The following THSD7A variants were observed in gnomAD, a reference collection of about 807,000 sequenced individuals.
THSD7A encodes the protein thrombospondin type-1 domain-containing protein 7A.
THSD7A carries 96 observed loss-of-function variants against 231.3 expected under a neutral mutation model. The observed-to-expected ratio is 0.41, with a 90% CI of 0.35 to 0.49. The LOEUF is 0.49. Ranked by LOEUF, THSD7A falls within the 20% of genes least tolerant of loss-of-function variation. The probability of loss-of-function intolerance (pLI) is 0.05; values close to 1 mark genes in which losing one functional copy is unlikely to be tolerated. For missense variants in THSD7A, 2,290 were observed against 2,070.2 expected (o/e 1.11, Z -2.06); for synonymous variants, 940 against 743.3 (o/e 1.26, Z -4.30).
intron 4 of THSD7A, among the ~76,000 whole-genome samples, chr7:11,563,735 A>C (rs1790176854): frequency 6.6e-6 from 1 of 152,120 alleles, no homozygotes; most frequent in South Asian, 2.1e-4. Context: ...AGCATACATG[A>C]ATTGTACTTG....
Position 11,382,512 on chromosome 7 carries a change from G to T in THSD7A, c.4507+9C>A. On this transcript the variant is annotated intron_variant, in intron 24 of 27. Coordinates refer to ENST00000423059, the MANE Select transcript of THSD7A (RefSeq NM_015204.3). ...ATTTTCAAAGGACAAAGAGAAACTG[G>T]AGGTTTACCTGTTACATTTATACCA... is the stretch of plus-strand genomic sequence containing the variant. 6.2e-7 allele frequency: 1 copy of T among 1,605,470 alleles called. No individual in the cohort carries two copies. Among genetic ancestry groups the T allele is most frequent in the East Asian group, 2.2e-5 (1 of 44,740 alleles).
chr7:11,446,309 T>G lies in THSD7A; in HGVS notation c.2816A>C (p.Lys939Thr). ...KRTLVGKSKK[K>T]EKCKNSHLYP... Reference sequence around the variant, plus strand: ...CAAATGGGAATTTTTACATTTTTCCTTCTTTTTACTTTTTCCTGTGGAAGA... The same window carrying G: ...CAAATGGGAATTTTTACATTTTTCCGTCTTTTTACTTTTTCCTGTGGAAGA... The change falls in exon 13 of 28, where the codon AAG (lysine) becomes ACG (threonine). Residue 939 changes from lysine (K) to threonine (T), a missense_variant. Coordinates refer to ENST00000423059, the MANE Select transcript of THSD7A (RefSeq NM_015204.3). The surrounding 1 kb of genome is among the most constrained non-coding windows in gnomAD (Gnocchi z 4.0). The G allele has an allele frequency of 1.2e-6, 2 of 1,610,552 alleles. No homozygotes were observed. Among genetic ancestry groups the G allele is most frequent in the Non-Finnish European group, 1.7e-6 (2 of 1,177,744 alleles).
At position 11,543,143 on chromosome 7, in the gene THSD7A, A is replaced by T. The variant is rs1197530841; in HGVS notation, c.1454-26T>A. 2.5e-6 allele frequency: 4 copies of T among 1,591,104 alleles called. No individual in the cohort carries two copies. In the African/African-American group the frequency reaches 5.4e-5, roughly 22 times the overall value. On this transcript the variant is annotated intron_variant, in intron 4 of 27. Transcript: ENST00000423059. Reference sequence around the variant, plus strand: ...CTAGAGAAAAATACAGACACATATTAAAAAATGAACAAAAGGAACATATAT... The same window carrying T: ...CTAGAGAAAAATACAGACACATATTTAAAAATGAACAAAAGGAACATATAT...
intron 2 of THSD7A, among the ~76,000 whole-genome samples, chr7:11,626,556 G>T (rs2128355756): frequency 6.6e-6 from 1 of 152,160 alleles, no homozygotes; most frequent in Non-Finnish European, 1.5e-5. Context: ...TAATATTTTT[G>T]AATTTGTTAG....
At chr7:11,754,801 A>G (rs1782620365) in intron 1 of THSD7A, among the ~76,000 whole-genome samples, 1 of 152,114 alleles carries the variant, frequency 6.6e-6, no homozygotes, top group South Asian at 2.1e-4. Flanking sequence ...TGTATTATAT[A>G]GTTTATGTTG....
chr7:11,823,482 T>A lies in THSD7A; in HGVS notation c.190+8275A>T, dbSNP rs562716980. 2.0e-5 allele frequency among the ~76,000 whole-genome samples: 3 copies of A among 152,250 alleles called. No homozygotes were observed. In the East Asian group the frequency reaches 5.8e-4, roughly 29 times the overall value. Reference sequence around the variant, plus strand: ...TGAATTTTAGGATTCTTTTTTCTAATTCTGTGAAACATGGCATTGGTATTT... The same window carrying A: ...TGAATTTTAGGATTCTTTTTTCTAAATCTGTGAAACATGGCATTGGTATTT... On this transcript the variant is annotated intron_variant, in intron 1 of 27. Coordinates refer to ENST00000423059, the MANE Select transcript of THSD7A (RefSeq NM_015204.3).
At chr7:11,468,464 C>T (rs1263778606) in intron 9 of THSD7A, among the ~76,000 whole-genome samples, 3 of 151,662 alleles carry the variant, frequency 2.0e-5, no homozygotes, top group African/African-American at 7.3e-5. Flanking sequence ...CAAGTTCATG[C>T]CATTAACATG....
At chr7:11,640,538 TTATCTGTTGTAGTAATATTACA>T (rs1453201633) in intron 1 of THSD7A, among the ~76,000 whole-genome samples, 1 of 152,176 alleles carries the variant, frequency 6.6e-6, no homozygotes, top group East Asian at 1.9e-4. Context: ...TTTCTCCATG[TTATCTGTTGTAGTAATATTACA>T]TATATTTTGG....
intron 2 of THSD7A, among the ~76,000 whole-genome samples, chr7:11,613,538 CGTCA>C (rs1458447160): frequency 6.6e-6 from 1 of 152,080 alleles, no homozygotes; most frequent in African/African-American, 2.4e-5. Flanking sequence ...CTCCTATGAA[CGTCA>C]GTCAGTTTCT....
At chr7:11,529,364 A>G (rs1241767256) in intron 6 of THSD7A, among the ~76,000 whole-genome samples, 2 of 152,170 alleles carry the variant, frequency 1.3e-5, no homozygotes, top group African/African-American at 4.8e-5. Flanking sequence ...GTGTGTTATG[A>G]AAATAAATGA....
At chr7:11,803,674 C>T (rs1413102401) in intron 1 of THSD7A, among the ~76,000 whole-genome samples, 2 of 152,164 alleles carry the variant, frequency 1.3e-5, no homozygotes, top group African/African-American at 4.8e-5. Flanking sequence ...TCCCTGTTAA[C>T]ATAAACTATG....
chr7:11,715,225 A>T (rs34529286), intron 1 of THSD7A, among the ~76,000 whole-genome samples: 20,786 of 151,502 alleles, frequency 0.14, 1,586 homozygotes, highest in Admixed American at 0.19. Context: ...TGAGAAACAC[A>T]TTATTACATT....
At chr7:11,558,927 T>C (rs535306347) in intron 4 of THSD7A, among the ~76,000 whole-genome samples, 70 of 152,178 alleles carry the variant, frequency 4.6e-4, no homozygotes, top group African/African-American at 1.6e-3. Flanking sequence ...CTACTTACAT[T>C]ATTACTTAAA....
intron 2 of THSD7A, among the ~76,000 whole-genome samples, chr7:11,628,454 C>T (rs1251546808): frequency 1.3e-5 from 2 of 152,176 alleles, no homozygotes; most frequent in Non-Finnish European, 2.9e-5. Context: ...GCCTTCTAAT[C>T]CTTAACGCTA....
At chr7:11,468,158 C>T (rs1785782290) in intron 9 of THSD7A, among the ~76,000 whole-genome samples, 1 of 151,906 alleles carries the variant, frequency 6.6e-6, no homozygotes, top group Non-Finnish European at 1.5e-5. Context: ...AATGTAACTG[C>T]ACATGCTTGG....
At chr7:11,404,972 G>A (rs939502218) in intron 22 of THSD7A, among the ~76,000 whole-genome samples, 1 of 152,006 alleles carries the variant, frequency 6.6e-6, no homozygotes. Context: ...AAATAGTTTA[G>A]TTCTTGACCT....
chr7:11,826,078 A>G (rs1272246237), intron 1 of THSD7A, among the ~76,000 whole-genome samples: 4 of 152,200 alleles, frequency 2.6e-5, no homozygotes, highest in Admixed American at 2.0e-4. Context: ...CACAAAAGTA[A>G]AAAAAGATAA....
chr7:11,398,832 A>C (rs67579764), intron 23 of THSD7A, among the ~76,000 whole-genome samples: 25,793 of 152,196 alleles, frequency 0.17, 2,281 homozygotes, highest in Non-Finnish European at 0.19. Flanking sequence ...TAGTTAACAA[A>C]AGCTTGAGTC....
At chr7:11,395,969 G>C (rs1362850512) in intron 23 of THSD7A, among the ~76,000 whole-genome samples, 1 of 152,106 alleles carries the variant, frequency 6.6e-6, no homozygotes, top group African/African-American at 2.4e-5. Flanking sequence ...AATCAAATTA[G>C]AAGTCAGGAT....
Sources: allele counts gnomAD v4.1 joint callset (sites outside exome capture counted in the v4.1 genomes callset), GRCh38; gene constraint gnomAD v4.1.1; non-coding constraint Gnocchi (gnomAD v3.1); transcripts MANE v1.5; gene names NCBI Gene and HGNC (gene_info 2026-07-23, HGNC 2026-07-21).